SPIDR: variants seen among roughly 807,000 people sequenced by gnomAD.
The protein encoded by SPIDR is DNA repair-scaffolding protein.
A neutral mutation model predicts 104.6 loss-of-function variants in SPIDR; 93 were observed. That is an observed-to-expected ratio of 0.89 (90% CI 0.75 to 1.06). The LOEUF (loss-of-function observed/expected upper bound fraction) is 1.06. Among genes scored for constraint, SPIDR ranks in the 50% least tolerant of loss-of-function variants. The pLI, the probability that SPIDR is intolerant of heterozygous loss-of-function variation, is 0.00. For missense variants in SPIDR, 1,154 were observed against 1,111.2 expected, an observed-to-expected ratio of 1.04 and a Z score of -0.55; for synonymous variants, 431 against 416.9, an observed-to-expected ratio of 1.03 and a Z score of -0.41.
At chr8:47,351,763 A>G (rs1008475958) in intron 5 of SPIDR, among the ~76,000 whole-genome samples, 1 of 152,228 alleles carries the variant, frequency 6.6e-6, no homozygotes, top group Non-Finnish European at 1.5e-5. Flanking sequence ...GTTAGGCATT[A>G]TAACTAGTCT....
intron 6 of SPIDR, among the ~76,000 whole-genome samples, chr8:47,399,483 G>A (rs1554660946): frequency 6.6e-6 from 1 of 152,222 alleles, no homozygotes; most frequent in Non-Finnish European, 1.5e-5. Flanking sequence ...TAGCTGACAG[G>A]GAGGATGAGA....
At chr8:47,500,517 G>C (rs2080226169) in intron 8 of SPIDR, among the ~76,000 whole-genome samples, 1 of 151,882 alleles carries the variant, frequency 6.6e-6, no homozygotes, top group Non-Finnish European at 1.5e-5. Context: ...AAATTTGTTT[G>C]AGTTCATTGT....
intron 16 of SPIDR, among the ~76,000 whole-genome samples, chr8:47,714,175 G>A (rs2082255966): frequency 6.6e-6 from 1 of 152,140 alleles, no homozygotes; most frequent in Non-Finnish European, 1.5e-5. Context: ...AGGCGGCCTG[G>A]TCTGATGTCC....
At chr8:47,413,663 G>A (rs919929790) in intron 7 of SPIDR, among the ~76,000 whole-genome samples, 2 of 152,060 alleles carry the variant, frequency 1.3e-5, no homozygotes, top group African/African-American at 4.8e-5. Flanking sequence ...AAATAGTTTG[G>A]GTTCTGTCTG....
chr8:47,616,008 T>G (rs1360422423), intron 10 of SPIDR, among the ~76,000 whole-genome samples: 1 of 152,204 alleles, frequency 6.6e-6, no homozygotes, highest in African/African-American at 2.4e-5. Context: ...AAAAACAACT[T>G]ATTTTTGTTT....
intron 1 of SPIDR, among the ~76,000 whole-genome samples, chr8:47,275,416 A>T (rs1023740810): frequency 2.0e-5 from 3 of 152,046 alleles, no homozygotes; most frequent in Non-Finnish European, 4.4e-5. Context: ...TATTTTTTTT[A>T]AATTTAATGT....
intron 5 of SPIDR, among the ~76,000 whole-genome samples, chr8:47,333,813 A>G (rs782462927): frequency 2.6e-5 from 4 of 152,224 alleles, no homozygotes; most frequent in Non-Finnish European, 5.9e-5. Context: ...TCATTAGGTA[A>G]TAGGAATTTC....
At chr8:47,672,396 A>G (rs983459951) in intron 10 of SPIDR, among the ~76,000 whole-genome samples, 4 of 151,134 alleles carry the variant, frequency 2.6e-5, no homozygotes, top group Non-Finnish European at 1.5e-5. Flanking sequence ...AGACCTTCTC[A>G]CTCTCCTCTA....
chr8:47,601,808 T>C (rs899551208), intron 10 of SPIDR, among the ~76,000 whole-genome samples: 4 of 152,210 alleles, frequency 2.6e-5, no homozygotes, highest in Non-Finnish European at 5.9e-5. Flanking sequence ...GGAGACTTGG[T>C]TGGACTGTGT....
chr8:47,729,153 G>T (rs955925739), intron 18 of SPIDR, 106 bp downstream of exon 18: 2 of 1,540,316 alleles, frequency 1.3e-6, no homozygotes, highest in Admixed American at 2.0e-5. Flanking sequence ...CTGCAGAGGC[G>T]CTGGGACTCG....
At chr8:47,618,719 G>A (rs1342324700) in intron 10 of SPIDR, among the ~76,000 whole-genome samples, 1 of 152,122 alleles carries the variant, frequency 6.6e-6, no homozygotes, top group South Asian at 2.1e-4. Flanking sequence ...AACTTTTAAA[G>A]TAATCGTTTT....
chr8:47,518,573 G>C (rs1315761994), intron 8 of SPIDR, among the ~76,000 whole-genome samples: 1 of 152,000 alleles, frequency 6.6e-6, no homozygotes, highest in African/African-American at 2.4e-5. Flanking sequence ...CTCACATCTA[G>C]TGACAGCCAC....
chr8:47,467,362 A>G (rs937550941), intron 8 of SPIDR, among the ~76,000 whole-genome samples: 6 of 152,194 alleles, frequency 3.9e-5, no homozygotes, highest in East Asian at 1.9e-4. Flanking sequence ...ATCTCATTCT[A>G]TGAGGCCAGC....
chr8:47,730,642 A>C (rs1563691385), intron 19 of SPIDR, among the ~76,000 whole-genome samples: 5 of 152,150 alleles, frequency 3.3e-5, no homozygotes, highest in Non-Finnish European at 1.5e-5. Context: ...GTGCAGTGAC[A>C]CAACCATAAG....
intron 5 of SPIDR, among the ~76,000 whole-genome samples, chr8:47,314,982 AGTT>A (rs2045028388): frequency 6.6e-6 from 1 of 152,172 alleles, no homozygotes; most frequent in Non-Finnish European, 1.5e-5. Flanking sequence ...TATAAGATGG[AGTT>A]GTTATATTAA....
intron 5 of SPIDR, among the ~76,000 whole-genome samples, chr8:47,371,149 GAAAA>G (rs1271875054): frequency 3.5e-5 from 5 of 140,984 alleles, no homozygotes; most frequent in Non-Finnish European, 6.2e-5. Context: ...TTTTTTTAAG[GAAAA>G]AAAAAAGAAA....
At chr8:47,486,179 C>T (rs144127168) in intron 8 of SPIDR, among the ~76,000 whole-genome samples, 44 of 152,296 alleles carry the variant, frequency 2.9e-4, no homozygotes, top group African/African-American at 1.0e-3. Flanking sequence ...GAGCTGAAAA[C>T]CACGGCACAA....
intron 8 of SPIDR, among the ~76,000 whole-genome samples, chr8:47,587,352 G>C (rs1448466152): frequency 6.6e-6 from 1 of 151,942 alleles, no homozygotes; most frequent in Non-Finnish European, 1.5e-5. Context: ...GCGCACAGGG[G>C]CCTATTTCTG....
intron 5 of SPIDR, chr8:47,357,752 T>A (rs1554626725): frequency 2.2e-6 from 1 of 444,590 alleles, no homozygotes; most frequent in Non-Finnish European, 3.0e-6. Context: ...AGAAAGAAAT[T>A]TGAAGTGTGG....
Sources: allele counts gnomAD v4.1 joint callset (sites outside exome capture counted in the v4.1 genomes callset), GRCh38; gene constraint gnomAD v4.1.1; transcripts MANE v1.5; gene names NCBI Gene and HGNC (gene_info 2026-07-23, HGNC 2026-07-21).